Variants in TENM4 observed in about 807,000 individuals in gnomAD.
TENM4 encodes teneurin-4.
A neutral mutation model predicts 243.3 loss-of-function variants in TENM4; 82 were observed. The observed-to-expected ratio is 0.34, with a 90% CI of 0.28 to 0.40. TENM4 has a LOEUF of 0.40. Among genes scored for constraint, TENM4 ranks in the 10% least tolerant of loss-of-function variants. The pLI, the probability that TENM4 is intolerant of heterozygous loss-of-function variation, is 1.00. For missense variants in TENM4, 3,138 were observed against 3,673.3 expected (o/e 0.85, Z 3.77); for synonymous variants, 1,412 against 1,456.3 (o/e 0.97, Z 0.69).
chr11:79,002,442 C>G lies in TENM4; in HGVS notation c.493+62296G>C, dbSNP rs532875236. Among the ~76,000 whole-genome samples, 13 of 152,286 alleles carry G rather than the reference C, an allele frequency of 8.5e-5. No homozygotes were observed. The East Asian group carries it at 2.5e-3, about 29-fold the overall frequency. On this transcript the variant is annotated intron_variant, in intron 6 of 33. Transcript: ENST00000278550. ...GGCCAGTGAACTGGGAACACCTCAG[C>G]CCCTCCAATGCAGCAGGTTCCTAAC...
intron 9 of TENM4, among the ~76,000 whole-genome samples, chr11:78,864,001 A>G (rs1285343842): frequency 1.3e-5 from 2 of 152,228 alleles, no homozygotes; most frequent in African/African-American, 2.4e-5. Context: ...AACCATTAAC[A>G]AGAATAAAGA....
At chr11:79,198,152 T>C (rs1422811535) in intron 3 of TENM4, among the ~76,000 whole-genome samples, 1 of 152,260 alleles carries the variant, frequency 6.6e-6, no homozygotes, top group Non-Finnish European at 1.5e-5. Context: ...TGATAATTAT[T>C]GTTCAACCAC....
intron 6 of TENM4, among the ~76,000 whole-genome samples, chr11:78,909,777 T>G (rs1351093541): frequency 6.6e-6 from 1 of 152,164 alleles, no homozygotes; most frequent in Non-Finnish European, 1.5e-5. Context: ...CTGGGGACAG[T>G]TTTATAACTA....
At chr11:78,961,743 G>A (rs1284000146) in intron 6 of TENM4, among the ~76,000 whole-genome samples, 3 of 152,024 alleles carry the variant, frequency 2.0e-5, no homozygotes, top group African/African-American at 4.8e-5. Context: ...ACAGTCCCTG[G>A]CACAGAGTAG....
chr11:78,741,666 A>G (rs987003748), intron 19 of TENM4, among the ~76,000 whole-genome samples: 3 of 152,230 alleles, frequency 2.0e-5, no homozygotes, highest in African/African-American at 7.2e-5. Context: ...TGAACATTTA[A>G]TAATCAGTTC....
At chr11:78,692,928 C>T (rs1005175665) in intron 28 of TENM4, among the ~76,000 whole-genome samples, 5 of 152,130 alleles carry the variant, frequency 3.3e-5, no homozygotes, top group Admixed American at 6.5e-5. Context: ...AGATAAGTCC[C>T]CCCAACCTTT....
At chr11:79,105,996 A>G (rs1861356071) in intron 4 of TENM4, among the ~76,000 whole-genome samples, 1 of 152,382 alleles carries the variant, frequency 6.6e-6, no homozygotes, top group East Asian at 1.9e-4. Flanking sequence ...TGATTCATAC[A>G]ACCACAAACA....
At chr11:78,929,337 C>T (rs902472548) in intron 6 of TENM4, among the ~76,000 whole-genome samples, 4 of 152,256 alleles carry the variant, frequency 2.6e-5, no homozygotes, top group Non-Finnish European at 4.4e-5. Context: ...ACAGTGATTA[C>T]GCATTGCCAA....
In TENM4 at chr11:78,657,096, T is replaced by C; in HGVS notation, c.*962A>G. The C allele has an allele frequency of 2.5e-6, 1 of 398,518 alleles. No homozygotes were observed. Among genetic ancestry groups the C allele is most frequent in the Non-Finnish European group, 4.4e-6 (1 of 226,046 alleles). 24.7% of individuals were successfully genotyped at this position (398,518 alleles called of 1,614,324 possible). A position where few individuals can be genotyped will look rare whatever the true frequency, so the allele number is the denominator to read the frequency against. On this transcript the variant is annotated 3_prime_UTR_variant, in exon 34 of 34. Transcript: ENST00000278550. ...CGCCACCACTGCCATGCCTTTGCCATGGGTGGCCTTCTGTTCTGTGGACAT... is the reference window on the plus strand; with the variant it reads ...CGCCACCACTGCCATGCCTTTGCCACGGGTGGCCTTCTGTTCTGTGGACAT...
At chr11:79,245,342 A>T (rs950762403) in intron 2 of TENM4, among the ~76,000 whole-genome samples, 18 of 152,226 alleles carry the variant, frequency 1.2e-4, no homozygotes, top group Non-Finnish European at 2.4e-4. Context: ...TTGAACTAGG[A>T]CGTGGATCAG....
At chr11:78,968,759 A>G (rs895171494) in intron 6 of TENM4, among the ~76,000 whole-genome samples, 4 of 152,222 alleles carry the variant, frequency 2.6e-5, no homozygotes, top group Non-Finnish European at 4.4e-5. Context: ...TAAATTGTCT[A>G]TGGTCGTAAG....
At chr11:78,768,549 C>T (rs537945630) in intron 18 of TENM4, among the ~76,000 whole-genome samples, 2 of 152,322 alleles carry the variant, frequency 1.3e-5, no homozygotes, top group African/African-American at 4.8e-5. Flanking sequence ...TCTTATTTAT[C>T]GCTGAAGCCC....
At chr11:78,666,712 G>A (rs138754305) in intron 32 of TENM4, among the ~76,000 whole-genome samples, 2 of 152,218 alleles carry the variant, frequency 1.3e-5, no homozygotes, top group African/African-American at 4.8e-5. Flanking sequence ...ACATCTGTGT[G>A]ACTCTGGGCA....
intron 1 of TENM4, among the ~76,000 whole-genome samples, chr11:79,318,252 G>T (rs935582673): frequency 6.6e-6 from 1 of 152,090 alleles, no homozygotes; most frequent in African/African-American, 2.4e-5. Context: ...AGGCACCAAG[G>T]CACTATCCTA....
At chr11:79,123,624 T>C (rs1440790332) in intron 4 of TENM4, among the ~76,000 whole-genome samples, 1 of 143,858 alleles carries the variant, frequency 7.0e-6, no homozygotes, top group Non-Finnish European at 1.5e-5. Flanking sequence ...TTATTAAGAA[T>C]TTACTGAGCA....
At chr11:78,979,377 T>C (rs1011897571) in intron 6 of TENM4, among the ~76,000 whole-genome samples, 1 of 152,182 alleles carries the variant, frequency 6.6e-6, no homozygotes, top group African/African-American at 2.4e-5. Context: ...TCCCCTACAA[T>C]GCTGTGAGAG....
chr11:79,410,921 C>T (rs1299959639), intron 1 of TENM4, among the ~76,000 whole-genome samples: 1 of 152,118 alleles, frequency 6.6e-6, no homozygotes, highest in East Asian at 1.9e-4. Context: ...TACCTCTGTC[C>T]TTGTTAATCA....
chr11:79,221,910 C>T (rs1355299337), intron 2 of TENM4, among the ~76,000 whole-genome samples: 3 of 152,142 alleles, frequency 2.0e-5, no homozygotes, highest in African/African-American at 7.2e-5. Flanking sequence ...TGTGTGTTTG[C>T]CTCTGCCAGG....
chr11:79,403,653 C>T (rs1048311138), intron 1 of TENM4, among the ~76,000 whole-genome samples: 3 of 152,160 alleles, frequency 2.0e-5, no homozygotes, highest in Non-Finnish European at 2.9e-5. Context: ...CACTCACATT[C>T]TCCCATTCCT....
Sources: allele counts gnomAD v4.1 joint callset (sites outside exome capture counted in the v4.1 genomes callset), GRCh38; gene constraint gnomAD v4.1.1; transcripts MANE v1.5; gene names NCBI Gene and HGNC (gene_info 2026-07-23, HGNC 2026-07-21).